The following MAP6 variants were observed in gnomAD, a reference collection of about 807,000 sequenced individuals.
MAP6 encodes the protein microtubule-associated protein 6.
In MAP6, 26 loss-of-function variants were observed where a neutral mutation model predicts 42.4. The ratio of observed to expected loss-of-function variants is 0.61; its 90% confidence interval spans 0.45 to 0.85. MAP6 has a LOEUF of 0.85. Among genes scored for constraint, MAP6 ranks in the 40% least tolerant of loss-of-function variants. MAP6 has a pLI of 0.00. For missense variants in MAP6, 966 were observed against 1,099.0 expected, an observed-to-expected ratio of 0.88 and a Z score of 1.71; for synonymous variants, 418 against 443.8, an observed-to-expected ratio of 0.94 and a Z score of 0.73.
chr11:75,630,733 A>G (rs1181515705), intron 1 of MAP6, among the ~76,000 whole-genome samples: 1 of 152,238 alleles, frequency 6.6e-6, no homozygotes, highest in African/African-American at 2.4e-5. Flanking sequence ...CCCTAAACTC[A>G]TTACTAATTA....
At chr11:75,649,221 A>G (rs1943609595) in intron 1 of MAP6, among the ~76,000 whole-genome samples, 1 of 152,228 alleles carries the variant, frequency 6.6e-6, no homozygotes, top group Admixed American at 6.5e-5. Flanking sequence ...AACGATCTGT[A>G]TATGTATGGG....
chr11:75,664,389 TAAAGTA>T (rs1943910650), intron 1 of MAP6, among the ~76,000 whole-genome samples: 1 of 152,252 alleles, frequency 6.6e-6, no homozygotes. Flanking sequence ...CTGTAAATTG[TAAAGTA>T]AAACAATGAG....
chr11:75,649,502 A>G lies in MAP6; in HGVS notation c.905+17963T>C, dbSNP rs144860806. On this transcript the variant is annotated intron_variant, in intron 1 of 3. Transcript: ENST00000304771. ...AACTTTACCTGAAAAAATATTTTTT[A>G]ATACAATAAAAGACTAGAAGAAAAT... 2.0e-3 allele frequency among the ~76,000 whole-genome samples: 304 copies of G among 152,290 alleles called. 2 individuals carry two copies. Among genetic ancestry groups the G allele is most frequent in the African/African-American group, 6.7e-3 (280 of 41,560 alleles).
intron 3 of MAP6, among the ~76,000 whole-genome samples, chr11:75,588,917 A>G (rs1942424879): frequency 6.6e-6 from 1 of 152,156 alleles, no homozygotes; most frequent in East Asian, 1.9e-4. Context: ...TCCTGACCTC[A>G]AGTGATCCTC....
intron 3 of MAP6, chr11:75,602,806 T>G (rs755916710): frequency 6.6e-4 from 654 of 984,190 alleles, no homozygotes; most frequent in Non-Finnish European, 7.5e-4. Context: ...ATGCAAAAGG[T>G]TCATTCCTTC....
chr11:75,625,699 C>A (rs889818267), intron 1 of MAP6, among the ~76,000 whole-genome samples: 27 of 152,270 alleles, frequency 1.8e-4, no homozygotes, highest in African/African-American at 6.0e-4. Context: ...AAACAAAAAA[C>A]AAACAAACAA....
At chr11:75,607,129 T>C in intron 2 of MAP6, 2 of 702,806 alleles carry the variant, frequency 2.8e-6, no homozygotes, top group Non-Finnish European at 3.5e-6. Flanking sequence ...CTGGTTTGCC[T>C]GGAACTGAGA....
Position 75,668,540 on chromosome 11 carries a change from C to G in MAP6, c.-171G>C, listed in dbSNP as rs1479225177. The G allele has an allele frequency of 1.0e-6, 1 of 955,644 alleles. No homozygotes were observed. The highest frequency in any genetic ancestry group is 1.7e-5 in the African/African-American group (1 of 57,900). The allele number at this position is 955,644 out of a possible 1,614,324, so 59.2% of individuals were successfully genotyped here. ...TCCCTCAGCGAGCACCCGGGGAGAG[C>G]TGTCCTAGGAGAGTCTGTAGAGTCC... On this transcript the variant is annotated 5_prime_UTR_variant, in exon 1 of 4. Transcript: ENST00000304771.
chr11:75,591,810 A>G (rs617449), intron 3 of MAP6, among the ~76,000 whole-genome samples: 114,752 of 152,182 alleles, frequency 0.75, 44,090 homozygotes, highest in African/African-American at 0.9. Context: ...TTTAACCACC[A>G]TAGACCTCAG....
intron 3 of MAP6, chr11:75,604,687 C>T: frequency 2.0e-6 from 2 of 984,770 alleles, no homozygotes; most frequent in Non-Finnish European, 2.4e-6. Context: ...GGGGCTTTGG[C>T]CACACACACA....
intron 1 of MAP6, among the ~76,000 whole-genome samples, chr11:75,626,577 T>C (rs1223627196): frequency 6.6e-6 from 1 of 152,242 alleles, no homozygotes; most frequent in East Asian, 1.9e-4. Flanking sequence ...ACAAACTTAG[T>C]GTCACTTCTG....
chr11:75,613,515 G>A (rs2135597973), intron 1 of MAP6, among the ~76,000 whole-genome samples: 1 of 152,258 alleles, frequency 6.6e-6, no homozygotes, highest in African/African-American at 2.4e-5. Context: ...TGCTCCTCAT[G>A]CCACAGCTTC....
At chr11:75,652,670 T>C (rs1478390810) in intron 1 of MAP6, among the ~76,000 whole-genome samples, 1 of 151,692 alleles carries the variant, frequency 6.6e-6, no homozygotes, top group African/African-American at 2.4e-5. Flanking sequence ...AAACCCCATC[T>C]CTACTAAAAA....
chr11:75,623,185 G>T (rs1480435170), intron 1 of MAP6, among the ~76,000 whole-genome samples: 1 of 152,120 alleles, frequency 6.6e-6, no homozygotes, highest in Admixed American at 6.5e-5. Context: ...AACCAATATG[G>T]ATGACTCTTA....
intron 1 of MAP6, among the ~76,000 whole-genome samples, chr11:75,665,397 C>A (rs1397491263): frequency 1.3e-5 from 2 of 152,220 alleles, no homozygotes; most frequent in African/African-American, 4.8e-5. Context: ...AACTTGAAAT[C>A]ATAAACTGAG....
At chr11:75,620,483 G>GAAAAAAAAAA (rs61563507) in intron 1 of MAP6, among the ~76,000 whole-genome samples, 1 of 69,762 alleles carries the variant, frequency 1.4e-5, no homozygotes, top group African/African-American at 4.6e-5. Flanking sequence ...TCAAAAGAGA[G>GAAAAAAAAAA]AAAAAAAAAA....
At chr11:75,634,377 A>C (rs1943334754) in intron 1 of MAP6, among the ~76,000 whole-genome samples, 1 of 152,180 alleles carries the variant, frequency 6.6e-6, no homozygotes. Context: ...CCTGGGTTCA[A>C]GTGATTCTCC....
At chr11:75,649,912 G>A (rs1943620679) in intron 1 of MAP6, among the ~76,000 whole-genome samples, 1 of 152,110 alleles carries the variant, frequency 6.6e-6, no homozygotes. Context: ...TCTTAGTGAT[G>A]TATTTTTGTT....
chr11:75,667,732 CG>C lies in MAP6; in HGVS notation c.637del (p.Arg213GlyfsTer85). On this transcript the variant is annotated frameshift_variant, in exon 1 of 4. Transcript: ENST00000304771. LOFTEE classifies it high-confidence loss of function. The surrounding 1 kb of genome is among the most constrained non-coding windows in gnomAD (Gnocchi z 5.6). Reference protein sequence around the residue: ...RWPVQAAAEAREQEAAPGGAG... With the variant: ...RWPVQAAAEAXEQEAAPGGAG... ...TCCGCCGGGGGCCGCCTCCTGCTCC[CG>C]GGCCTCAGCGGCGGCCTGCACTGGC... The C allele has an allele frequency of 7.7e-7, 1 of 1,300,952 alleles. No homozygotes were observed. The highest frequency in any genetic ancestry group is 9.7e-7 in the Non-Finnish European group (1 of 1,026,946). The allele number at this position is 1,300,952 out of a possible 1,614,324, so 80.6% of individuals were successfully genotyped here.
Sources: gnomAD v4.1 joint callset for allele counts (sites outside exome capture counted in the v4.1 genomes callset) on GRCh38, gnomAD v4.1.1 for gene constraint, Gnocchi (gnomAD v3.1) non-coding constraint, MANE v1.5 for transcripts, NCBI Gene and HGNC (gene_info 2026-07-23, HGNC 2026-07-21) for gene names.